The following OXR1 variants were observed in gnomAD, a reference collection of about 807,000 sequenced individuals.
The protein encoded by OXR1 is oxidation resistance 1, also known as oxidation resistance protein 1.
In OXR1, 41 loss-of-function variants were observed where a neutral mutation model predicts 104.6. That is an observed-to-expected ratio of 0.39 (90% CI 0.31 to 0.51). The LOEUF is 0.51. OXR1 is among the 20% of genes least tolerant of loss of function. The pLI is 0.77. For missense variants in OXR1, 955 were observed against 1,031.9 expected, an observed-to-expected ratio of 0.93 and a Z score of 1.02; for synonymous variants, 348 against 348.4, an observed-to-expected ratio of 1.00 and a Z score of 0.01.
At chr8:106,715,961 G>T (rs960517530) in intron 11 of OXR1, among the ~76,000 whole-genome samples, 1 of 152,182 alleles carries the variant, frequency 6.6e-6, no homozygotes, top group Non-Finnish European at 1.5e-5. Flanking sequence ...GCAGTATCCA[G>T]TATAGCAGCA....
chr8:106,512,459 G>T (rs2510811), intron 2 of OXR1, among the ~76,000 whole-genome samples: 17,623 of 71,498 alleles, frequency 0.25, 1,246 homozygotes, highest in Non-Finnish European at 0.3. Flanking sequence ...AAGAAGATCT[G>T]TTTTTTTTTC....
chr8:106,414,339 G>T (rs1818583653), intron 2 of OXR1, among the ~76,000 whole-genome samples: 1 of 152,060 alleles, frequency 6.6e-6, no homozygotes, highest in Non-Finnish European at 1.5e-5. Flanking sequence ...GTGTAATTCC[G>T]AGAGGGAAGG....
chr8:106,530,025 C>T (rs185872177), intron 3 of OXR1, among the ~76,000 whole-genome samples: 2 of 152,288 alleles, frequency 1.3e-5, no homozygotes, highest in Non-Finnish European at 2.9e-5. Flanking sequence ...CGTCTATGAA[C>T]ATCCCATTTC....
intron 3 of OXR1, among the ~76,000 whole-genome samples, chr8:106,563,296 CA>C (rs145929849): frequency 0.17 from 21,413 of 123,908 alleles, 1,092 homozygotes; most frequent in East Asian, 0.33. Context: ...AAATGGAAAG[CA>C]AAAAAAAAAA....
chr8:106,657,865 G>A (rs1825280753), intron 3 of OXR1: 1 of 1,241,480 alleles, frequency 8.1e-7, no homozygotes, highest in Non-Finnish European at 1.0e-6. Context: ...CCTCTTGTGA[G>A]GCGCGCGGAG....
At chr8:106,437,625 A>G (rs1819630883) in intron 2 of OXR1, among the ~76,000 whole-genome samples, 2 of 152,186 alleles carry the variant, frequency 1.3e-5, no homozygotes, top group African/African-American at 4.8e-5. Flanking sequence ...AACCAGGATC[A>G]TGATCCCAAT....
intron 3 of OXR1, among the ~76,000 whole-genome samples, chr8:106,527,016 G>A: frequency 6.6e-6 from 1 of 152,142 alleles, no homozygotes; most frequent in Non-Finnish European, 1.5e-5. Flanking sequence ...CAATGGTGAG[G>A]AACTTGGCCT....
chr8:106,519,286 C>T (rs1009813078), intron 3 of OXR1, 147 bp downstream of exon 3: 14 of 637,810 alleles, frequency 2.2e-5, no homozygotes, highest in Non-Finnish European at 3.8e-5. Flanking sequence ...CTTATGTGGT[C>T]TGAACATAAA....
chr8:106,726,167 A>T, intron 11 of OXR1: 1 of 1,478,196 alleles, frequency 6.8e-7, no homozygotes, highest in Non-Finnish European at 8.9e-7. Context: ...CTGGAAATTT[A>T]TCTTTGACAG....
chr8:106,325,952 T>A (rs1320033961), intron 1 of OXR1, among the ~76,000 whole-genome samples: 1 of 152,212 alleles, frequency 6.6e-6, no homozygotes, highest in African/African-American at 2.4e-5. Context: ...TGCAATGTAT[T>A]TTTGTTACTT....
intron 2 of OXR1, among the ~76,000 whole-genome samples, chr8:106,456,513 T>C (rs75787555): frequency 0.013 from 2,046 of 152,342 alleles, 41 homozygotes; most frequent in African/African-American, 0.044. Flanking sequence ...TTTTTATTGA[T>C]AAAATAAGTA....
chr8:106,471,045 T>C (rs945236185), intron 2 of OXR1, among the ~76,000 whole-genome samples: 3 of 151,716 alleles, frequency 2.0e-5, no homozygotes, highest in Admixed American at 1.3e-4. Flanking sequence ...TATGAGTCCA[T>C]GCTTTTGAGG....
intron 2 of OXR1, among the ~76,000 whole-genome samples, chr8:106,364,956 T>G (rs1001919893): frequency 1.3e-5 from 2 of 152,210 alleles, no homozygotes; most frequent in African/African-American, 2.4e-5. Context: ...GTACTTGTAT[T>G]TGCAATGGCA....
At chr8:106,574,732 A>G (rs1297857155) in intron 3 of OXR1, among the ~76,000 whole-genome samples, 1 of 152,218 alleles carries the variant, frequency 6.6e-6, no homozygotes, top group Non-Finnish European at 1.5e-5. Flanking sequence ...AGAAATAACC[A>G]TGGAAAGAAC....
chr8:106,334,306 C>T (rs1344934750), intron 1 of OXR1, among the ~76,000 whole-genome samples: 1 of 152,116 alleles, frequency 6.6e-6, no homozygotes. Context: ...GTGAATTGAT[C>T]TTGTGTCCTC....
intron 3 of OXR1, among the ~76,000 whole-genome samples, chr8:106,566,011 C>T (rs968625623): frequency 6.6e-6 from 1 of 152,204 alleles, no homozygotes; most frequent in African/African-American, 2.4e-5. Flanking sequence ...GACTCAAAAC[C>T]ATAAAAACCC....
At chr8:106,425,206 G>T (rs1455552194) in intron 2 of OXR1, among the ~76,000 whole-genome samples, 1 of 150,334 alleles carries the variant, frequency 6.7e-6, no homozygotes, top group Non-Finnish European at 1.5e-5. Context: ...TGGGCTCAAG[G>T]GATCCTCCTG....
chr8:106,577,817 G>T (rs1817963842), intron 3 of OXR1, among the ~76,000 whole-genome samples: 1 of 152,152 alleles, frequency 6.6e-6, no homozygotes, highest in Non-Finnish European at 1.5e-5. Context: ...CTGCAAGGCC[G>T]GAACTGGGAG....
At chr8:106,523,184 C>CTAT (rs1480871930) in intron 3 of OXR1, among the ~76,000 whole-genome samples, 1 of 152,222 alleles carries the variant, frequency 6.6e-6, no homozygotes, top group Non-Finnish European at 1.5e-5. Context: ...CACATCAAAT[C>CTAT]TATTTCATTT....
Sources: gnomAD v4.1 joint callset for allele counts (sites outside exome capture counted in the v4.1 genomes callset) on GRCh38, gnomAD v4.1.1 for gene constraint, MANE v1.5 for transcripts, NCBI Gene and HGNC (gene_info 2026-07-23, HGNC 2026-07-21) for gene names.